The following EBF2 variants were observed in gnomAD, a reference collection of about 807,000 sequenced individuals.
EBF2 encodes EBF transcription factor 2.
Under a neutral mutation model 72.8 loss-of-function variants are expected in EBF2, and 21 were observed. The observed-to-expected ratio is 0.29, with a 90% CI of 0.20 to 0.42. EBF2 has a LOEUF of 0.42. Among genes scored for constraint, EBF2 ranks in the 10% least tolerant of loss-of-function variants. The probability of loss-of-function intolerance (pLI) is 1.00; values close to 1 mark genes in which losing one functional copy is unlikely to be tolerated. For missense variants in EBF2, 637 were observed against 731.2 expected, an observed-to-expected ratio of 0.87 and a Z score of 1.49; for synonymous variants, 299 against 274.2, an observed-to-expected ratio of 1.09 and a Z score of -0.89.
intron 6 of EBF2, among the ~76,000 whole-genome samples, chr8:25,955,460 G>A (rs981927568): frequency 6.6e-6 from 1 of 151,892 alleles, no homozygotes; most frequent in Non-Finnish European, 1.5e-5. Context: ...ATTTTAGAGG[G>A]GCCTAAAAAT....
chr8:25,927,832 GTT>G (rs1253025176), intron 6 of EBF2, among the ~76,000 whole-genome samples: 2 of 152,116 alleles, frequency 1.3e-5, no homozygotes, highest in Non-Finnish European at 2.9e-5. Flanking sequence ...AGTGTGTCAA[GTT>G]TTGCATTTTT....
intron 7 of EBF2, among the ~76,000 whole-genome samples, chr8:25,900,811 G>A (rs1022303374): frequency 8.8e-6 from 1 of 114,238 alleles, no homozygotes; most frequent in Non-Finnish European, 1.9e-5. Context: ...AATAAAAAAA[G>A]TGAGAAAACT....
At chr8:25,914,634 G>A (rs973612158) in intron 6 of EBF2, among the ~76,000 whole-genome samples, 6 of 152,302 alleles carry the variant, frequency 3.9e-5, no homozygotes, top group South Asian at 2.1e-4. Context: ...GATCTGCTTG[G>A]CAAGATGGTG....
chr8:25,951,900 C>A (rs914473297), intron 6 of EBF2, among the ~76,000 whole-genome samples: 18 of 152,154 alleles, frequency 1.2e-4, no homozygotes, highest in Non-Finnish European at 1.9e-4. Context: ...TTTCATTAAT[C>A]ATTTATTAAA....
chr8:25,849,655 T>TTTTGCTGTCA (rs75444263), intron 15 of EBF2, among the ~76,000 whole-genome samples: 6 of 151,798 alleles, frequency 4.0e-5, no homozygotes, highest in South Asian at 2.1e-4. Context: ...TTTTGCTGTC[T>TTTTGCTGTCA]GCTGCCCTCC....
intron 6 of EBF2, among the ~76,000 whole-genome samples, chr8:25,941,856 A>C (rs1803679243): frequency 6.6e-6 from 1 of 152,204 alleles, no homozygotes; most frequent in Admixed American, 6.5e-5. Flanking sequence ...GTGGAAATGC[A>C]ATGTGGATGT....
At chr8:26,019,200 C>G (rs1805165601) in intron 6 of EBF2, among the ~76,000 whole-genome samples, 1 of 151,952 alleles carries the variant, frequency 6.6e-6, no homozygotes, top group Admixed American at 6.6e-5. Flanking sequence ...AAGGTCATCC[C>G]ATTTGATTAA....
intron 6 of EBF2, among the ~76,000 whole-genome samples, chr8:25,993,139 T>C (rs1804572537): frequency 6.6e-6 from 1 of 152,128 alleles, no homozygotes. Context: ...ATGAGGTCAT[T>C]ATTCTTCCAC....
At chr8:25,889,062 G>A (rs1211371266) in intron 8 of EBF2, among the ~76,000 whole-genome samples, 1 of 152,174 alleles carries the variant, frequency 6.6e-6, no homozygotes, top group Non-Finnish European at 1.5e-5. Context: ...GTGGGAGGTG[G>A]GGGTTGGGTG....
rs141996605 is a variant in EBF2, at chr8:25,847,092, T to C, written c.1697-2452A>G. Among the ~76,000 whole-genome samples the C allele has an allele frequency of 7.8e-3, 1,194 of 152,244 alleles. 14 individuals are homozygous for C. Among genetic ancestry groups the C allele is most frequent in the African/African-American group, 0.027 (1,134 of 41,542 alleles). On this transcript the variant is annotated intron_variant, in intron 15 of 15. Coordinates refer to ENST00000520164, the MANE Select transcript of EBF2 (RefSeq NM_022659.4). The stretch of plus-strand genomic sequence containing the variant: ...CAGACTTTTCCTGTGTGGCCTTGGG[T>C]AAACTGCTTAACTAAGAATGGTGAT...
intron 6 of EBF2, among the ~76,000 whole-genome samples, chr8:25,957,975 C>A (rs914022513): frequency 6.6e-6 from 1 of 152,176 alleles, no homozygotes; most frequent in African/African-American, 2.4e-5. Flanking sequence ...GGAAGGCAGG[C>A]AGAACGCAAA....
chr8:25,912,813 C>T lies in EBF2; in HGVS notation c.552-4258G>A, dbSNP rs188993953. 7.0e-3 allele frequency among the ~76,000 whole-genome samples: 1,069 copies of T among 152,172 alleles called. 4 individuals carry two copies. The highest frequency in any genetic ancestry group is 8.4e-3 in the Non-Finnish European group (570 of 68,016). Reference sequence around the variant, plus strand: ...AGACCCCTGAATCTATTACTGAATACCCTCCTTTCCAATCTCTAACATACT... The same window carrying T: ...AGACCCCTGAATCTATTACTGAATATCCTCCTTTCCAATCTCTAACATACT... On this transcript the variant is annotated intron_variant, in intron 6 of 15. Transcript: ENST00000520164.
At chr8:26,039,742 C>G (rs948981513) in intron 5 of EBF2, among the ~76,000 whole-genome samples, 12 of 152,250 alleles carry the variant, frequency 7.9e-5, no homozygotes, top group African/African-American at 2.9e-4. Context: ...CCGCTTCCAC[C>G]ACTACCACTG....
rs1804240988 is a variant in EBF2 at position 25,974,706 on chromosome 8, AAT to A, written c.551+58377_551+58378del. On this transcript the variant is annotated intron_variant, in intron 6 of 15. Transcript: ENST00000520164. ...GACACTGGAACTTGGACGGCAAAAT[AAT>A]TATGAGTCCCTGCTTTCCTTCCTGC... Among the ~76,000 whole-genome samples the A allele has an allele frequency of 2.6e-5, 4 of 152,326 alleles. No homozygotes were observed. In the South Asian group the frequency reaches 8.3e-4, roughly 32 times the overall value.
chr8:25,997,834 G>A (rs538044849), intron 6 of EBF2, among the ~76,000 whole-genome samples: 2 of 152,248 alleles, frequency 1.3e-5, no homozygotes, highest in South Asian at 4.1e-4. Context: ...AGCAATGTTG[G>A]TTCAAATAGC....
intron 7 of EBF2, among the ~76,000 whole-genome samples, chr8:25,905,844 T>C (rs559959118): frequency 7.4e-4 from 112 of 152,342 alleles, no homozygotes; most frequent in African/African-American, 2.7e-3. Flanking sequence ...ATGAATTTTA[T>C]CTCAGTAAAA....
At chr8:26,020,794 G>A (rs1029061204) in intron 6 of EBF2, among the ~76,000 whole-genome samples, 5 of 152,088 alleles carry the variant, frequency 3.3e-5, no homozygotes, top group African/African-American at 1.2e-4. Flanking sequence ...TCCAGATACA[G>A]GTCTAAAGGG....
At chr8:25,945,228 C>T (rs1803747784) in intron 6 of EBF2, among the ~76,000 whole-genome samples, 1 of 151,914 alleles carries the variant, frequency 6.6e-6, no homozygotes, top group East Asian at 1.9e-4. Flanking sequence ...TCTGCTATAT[C>T]CCCCAAGTTG....
chr8:26,043,610 C>T (rs937470505), intron 1 of EBF2, among the ~76,000 whole-genome samples: 2 of 152,194 alleles, frequency 1.3e-5, no homozygotes, highest in Non-Finnish European at 2.9e-5. Flanking sequence ...GCCGCCGGCC[C>T]AAGTCCCGGA....
Sources: allele counts gnomAD v4.1 joint callset (sites outside exome capture counted in the v4.1 genomes callset), GRCh38; gene constraint gnomAD v4.1.1; transcripts MANE v1.5; gene names NCBI Gene and HGNC (gene_info 2026-07-23, HGNC 2026-07-21).